The following ST8SIA1 variants were observed in gnomAD, a reference collection of about 807,000 sequenced individuals.
ST8SIA1 encodes alpha-N-acetylneuraminide alpha-2,8-sialyltransferase.
ST8SIA1 carries 16 observed loss-of-function variants against 35.9 expected under a neutral mutation model. The observed-to-expected ratio is 0.45, with a 90% CI of 0.30 to 0.68. ST8SIA1 has a LOEUF of 0.68. ST8SIA1 is among the 30% of genes least tolerant of loss of function. The pLI is 0.09. For synonymous variants in ST8SIA1, 170 were observed against 169.6 expected, an observed-to-expected ratio of 1.00 and a Z score of -0.02; for missense variants, 383 against 453.6, an observed-to-expected ratio of 0.84 and a Z score of 1.41.
chr12:22,251,408 G>C (rs1439579549), intron 3 of ST8SIA1, among the ~76,000 whole-genome samples: 1 of 152,118 alleles, frequency 6.6e-6, no homozygotes, highest in African/African-American at 2.4e-5. Flanking sequence ...CTAGAACAGA[G>C]GTGAATGCTT....
chr12:22,300,936 G>C (rs987292937), intron 1 of ST8SIA1, among the ~76,000 whole-genome samples: 2 of 152,022 alleles, frequency 1.3e-5, no homozygotes, highest in African/African-American at 4.8e-5. Context: ...AATGGTGTTT[G>C]GTTTTCTTTG....
intron 4 of ST8SIA1, among the ~76,000 whole-genome samples, chr12:22,207,091 G>A (rs1296726215): frequency 6.6e-6 from 1 of 152,160 alleles, no homozygotes; most frequent in Non-Finnish European, 1.5e-5. Flanking sequence ...CCAGATGAAT[G>A]TCTCAACAGA....
intron 3 of ST8SIA1, among the ~76,000 whole-genome samples, chr12:22,250,204 T>C (rs970331577): frequency 6.6e-6 from 1 of 152,236 alleles, no homozygotes; most frequent in Non-Finnish European, 1.5e-5. Flanking sequence ...TCAAATCCCA[T>C]GGCTTTCTGC....
chr12:22,226,835 GGGTCAATTCTTA>G (rs1165838121), intron 4 of ST8SIA1, among the ~76,000 whole-genome samples: 1 of 151,980 alleles, frequency 6.6e-6, no homozygotes, highest in Admixed American at 6.6e-5. Flanking sequence ...TGCACCTAAT[GGGTCAATTCTTA>G]TTAAGTCACC....
At chr12:22,316,877 T>C (rs999819115) in intron 1 of ST8SIA1, among the ~76,000 whole-genome samples, 2 of 152,144 alleles carry the variant, frequency 1.3e-5, no homozygotes, top group African/African-American at 4.8e-5. Flanking sequence ...CACCTATATA[T>C]TGGCAAAATT....
chr12:22,207,504 A>G (rs1446865626), intron 4 of ST8SIA1, among the ~76,000 whole-genome samples: 1 of 152,196 alleles, frequency 6.6e-6, no homozygotes, highest in Non-Finnish European at 1.5e-5. Flanking sequence ...GTTGAAAGGT[A>G]TAGATTTCTT....
At chr12:22,275,790 G>C (rs79660334) in intron 2 of ST8SIA1, among the ~76,000 whole-genome samples, 2,350 of 152,324 alleles carry the variant, frequency 0.015, 67 homozygotes, top group African/African-American at 0.054. Flanking sequence ...ATGGGGCTCA[G>C]TGCCCAAGGC....
chr12:22,257,424 A>G (rs967746662), intron 2 of ST8SIA1, among the ~76,000 whole-genome samples: 1 of 133,806 alleles, frequency 7.5e-6, no homozygotes, highest in Non-Finnish European at 1.6e-5. Flanking sequence ...GGGTTTCACC[A>G]TGTTGGCTAG....
chr12:22,251,874 T>C (rs17703131), intron 3 of ST8SIA1, among the ~76,000 whole-genome samples: 46,310 of 152,086 alleles, frequency 0.3, 7,332 homozygotes, highest in South Asian at 0.41. Context: ...AGAAAAATCA[T>C]GAAATTACTT....
In ST8SIA1 at chr12:22,246,462, C is replaced by T. The variant is rs542924345; in HGVS notation, c.584+2544G>A. Among the ~76,000 whole-genome samples, 12 of 152,212 alleles carry T rather than the reference C, an allele frequency of 7.9e-5. No individual in the cohort carries two copies. In the South Asian group the frequency reaches 1.9e-3, roughly 24 times the overall value. On this transcript the variant is annotated intron_variant, in intron 4 of 4. Transcript: ENST00000396037. Reference sequence around the variant, plus strand: ...TGAGATCTTCGATCTCATTCCGTAGCGTACAATGCCTAAAATCTTTAGAAA... The same window carrying T: ...TGAGATCTTCGATCTCATTCCGTAGTGTACAATGCCTAAAATCTTTAGAAA...
At chr12:22,234,429 TGCCTTGTC>T (rs890627074) in intron 4 of ST8SIA1, among the ~76,000 whole-genome samples, 21 of 152,348 alleles carry the variant, frequency 1.4e-4, no homozygotes, top group African/African-American at 5.1e-4. Context: ...TACTTTCATC[TGCCTTGTC>T]TAGACAATCA....
chr12:22,197,300 G>A lies in ST8SIA1; in HGVS notation c.*4252C>T, dbSNP rs1405604237. 1.3e-5 allele frequency: 2 copies of A among 152,168 alleles called. No homozygotes were observed. Among genetic ancestry groups the A allele is most frequent in the Admixed American group, 1.3e-4 (2 of 15,280 alleles). 9.4% of individuals were successfully genotyped at this position (152,168 alleles called of 1,614,324 possible). A position where few individuals can be genotyped will look rare whatever the true frequency, so the allele number is the denominator to read the frequency against. ...ACGTCCTTACAGCTTTTGATCTTTG[G>A]AATTCTACAAACATAGAGAATATAT... On this transcript the variant is annotated 3_prime_UTR_variant, in exon 5 of 5. Transcript: ENST00000396037.
chr12:22,204,866 G>T (rs1181419167), intron 4 of ST8SIA1, among the ~76,000 whole-genome samples: 1 of 152,016 alleles, frequency 6.6e-6, no homozygotes, highest in Non-Finnish European at 1.5e-5. Context: ...GAGTTTAATG[G>T]GGTTGGTATT....
intron 4 of ST8SIA1, among the ~76,000 whole-genome samples, chr12:22,235,881 C>T (rs566788484): frequency 1.5e-5 from 2 of 132,536 alleles, no homozygotes; most frequent in African/African-American, 2.7e-5. Context: ...GAATGAAGCA[C>T]ATTCCCTTCA....
chr12:22,232,881 C>A (rs1219097997), intron 4 of ST8SIA1, among the ~76,000 whole-genome samples: 1 of 151,656 alleles, frequency 6.6e-6, no homozygotes, highest in Non-Finnish European at 1.5e-5. Context: ...GCAAGAGAAT[C>A]TAAACAGCAT....
chr12:22,281,923 A>G (rs1041183521), intron 2 of ST8SIA1, among the ~76,000 whole-genome samples: 12 of 152,020 alleles, frequency 7.9e-5, no homozygotes, highest in Admixed American at 5.9e-4. Flanking sequence ...TGGGAGGATC[A>G]CTTGAGCCCA....
chr12:22,267,846 C>T (rs1182983916), intron 2 of ST8SIA1, among the ~76,000 whole-genome samples: 1 of 152,178 alleles, frequency 6.6e-6, no homozygotes, highest in African/African-American at 2.4e-5. Flanking sequence ...GTTTGTGATC[C>T]ACCTGATCTG....
In ST8SIA1 at chr12:22,214,968, A is replaced by G. The variant is rs534166603; in HGVS notation, c.585-12930T>C. 2.5e-4 allele frequency among the ~76,000 whole-genome samples: 38 copies of G among 152,292 alleles called. No individual in the cohort carries two copies. In the East Asian group the frequency reaches 3.7e-3, roughly 15 times the overall value. On this transcript the variant is annotated intron_variant, in intron 4 of 4. Coordinates refer to ENST00000396037, the MANE Select transcript of ST8SIA1 (RefSeq NM_003034.4). ...TCAGATCAGCCTGACACTTGATTCT[A>G]TGCTCTGAATTATATTGTGTAGCTT...
intron 2 of ST8SIA1, among the ~76,000 whole-genome samples, chr12:22,280,674 T>A (rs1866022392): frequency 6.6e-6 from 1 of 152,236 alleles, no homozygotes; most frequent in African/African-American, 2.4e-5. Flanking sequence ...ATTTCTAAAT[T>A]TGAAAAACAA....
Sources: allele counts gnomAD v4.1 joint callset (sites outside exome capture counted in the v4.1 genomes callset), GRCh38; gene constraint gnomAD v4.1.1; transcripts MANE v1.5; gene names NCBI Gene and HGNC (gene_info 2026-07-23, HGNC 2026-07-21).